The following ARHGEF38 variants were observed in gnomAD, a reference collection of about 807,000 sequenced individuals.
The protein encoded by ARHGEF38 is Rho guanine nucleotide exchange factor 38.
A neutral mutation model predicts 79.9 loss-of-function variants in ARHGEF38; 79 were observed. The observed-to-expected ratio is 0.99, with a 90% CI of 0.82 to 1.19. The LOEUF is 1.19. Ranked by LOEUF, ARHGEF38 falls within the 50% of genes most tolerant of loss-of-function variation. The pLI, the probability that ARHGEF38 is intolerant of heterozygous loss-of-function variation, is 0.00. For synonymous variants in ARHGEF38, 366 were observed against 328.3 expected, an observed-to-expected ratio of 1.11 and a Z score of -1.24; for missense variants, 962 against 907.2, an observed-to-expected ratio of 1.06 and a Z score of -0.78.
intron 10 of ARHGEF38, among the ~76,000 whole-genome samples, chr4:105,660,542 C>T (rs986359509): frequency 2.6e-5 from 4 of 151,708 alleles, no homozygotes; most frequent in East Asian, 1.9e-4. Flanking sequence ...CGGGTTCAAG[C>T]GATTTTCCTG....
chr4:105,651,329 A>G (rs1730095526), intron 7 of ARHGEF38, among the ~76,000 whole-genome samples: 1 of 152,234 alleles, frequency 6.6e-6, no homozygotes. Flanking sequence ...AAATCAATCA[A>G]TTTTGCACTT....
At chr4:105,605,344 G>A (rs1158247664) in intron 2 of ARHGEF38, among the ~76,000 whole-genome samples, 1 of 151,992 alleles carries the variant, frequency 6.6e-6, no homozygotes, top group Non-Finnish European at 1.5e-5. Context: ...GACTTCTCGA[G>A]TTTGAACCCA....
chr4:105,663,212 G>A (rs901627627), intron 10 of ARHGEF38, among the ~76,000 whole-genome samples: 3 of 152,008 alleles, frequency 2.0e-5, no homozygotes, highest in African/African-American at 7.3e-5. Context: ...TTTAATACCT[G>A]CTCACTGCTA....
intron 1 of ARHGEF38, among the ~76,000 whole-genome samples, chr4:105,584,022 C>T (rs1435998730): frequency 2.0e-5 from 3 of 152,036 alleles, no homozygotes; most frequent in Non-Finnish European, 2.9e-5. Flanking sequence ...TTAAAAATTG[C>T]CCAATAAATA....
rs1177332002 is a variant in ARHGEF38, at chr4:105,659,168, T to C, written c.1348T>C (p.Tyr450His). The change falls in exon 10 of 14, where the codon TAC becomes CAC. Residue 450 changes from tyrosine (Y) to histidine (H), a missense_variant. Tyr to His is a moderately conservative substitution (Grantham distance 83). Coordinates refer to ENST00000420470, the MANE Select transcript of ARHGEF38 (RefSeq NM_001242729.2). ...RYDKLLDCNSYLQRSTGEESD... is the reference protein window; with the variant it reads ...RYDKLLDCNSHLQRSTGEESD... ...TGACAAACTGCTGGATTGCAACAGCTACCTGCAGCGATCAACGGGAGAGGA... is the reference window on the plus strand; with the variant it reads ...TGACAAACTGCTGGATTGCAACAGCCACCTGCAGCGATCAACGGGAGAGGA... The C allele has an allele frequency of 2.6e-6, 4 of 1,536,044 alleles. No individual in the cohort carries two copies. Among genetic ancestry groups the C allele is most frequent in the Non-Finnish European group, 3.5e-6 (4 of 1,146,892 alleles).
intron 1 of ARHGEF38, chr4:105,561,464 A>AATGGAATGGAATGGAATGGAATG (rs1578253558): frequency 6.7e-5 from 3 of 44,604 alleles, no homozygotes; most frequent in Non-Finnish European, 4.6e-5. Context: ...AGAATAGAAT[A>AATGGAATGGAATGGAATGGAATG]GAATAGAATA....
rs143419337 is a variant in ARHGEF38, at chr4:105,660,374, G to T, written c.1545+1009G>T. 2.4e-3 allele frequency among the ~76,000 whole-genome samples: 360 copies of T among 151,124 alleles called. 1 individual carries two copies. Among genetic ancestry groups the T allele is most frequent in the Non-Finnish European group, 3.8e-3 (255 of 67,910 alleles). On this transcript the variant is annotated intron_variant, in intron 10 of 13. Transcript: ENST00000420470. ...ATATTATATATACCATTCTGCACTT[G>T]CTCTTTAACAATATATTCTGAGAAT...
intron 2 of ARHGEF38, among the ~76,000 whole-genome samples, chr4:105,611,175 G>A (rs1728278331): frequency 6.6e-6 from 1 of 151,958 alleles, no homozygotes; most frequent in Non-Finnish European, 1.5e-5. Context: ...TCAGAATAAA[G>A]TTTCCAGAGC....
chr4:105,641,355 C>G (rs780941029), intron 5 of ARHGEF38, among the ~76,000 whole-genome samples: 2 of 152,106 alleles, frequency 1.3e-5, no homozygotes, highest in Non-Finnish European at 2.9e-5. Context: ...CACCATTTCA[C>G]TGGTTCTATC....
intron 2 of ARHGEF38, among the ~76,000 whole-genome samples, chr4:105,599,711 C>T (rs1170618765): frequency 1.3e-5 from 2 of 152,010 alleles, no homozygotes; most frequent in East Asian, 3.9e-4. Flanking sequence ...ATCCTGGACT[C>T]CAAACAATAA....
At position 105,656,500 on chromosome 4, in the gene ARHGEF38, T is replaced by A. The variant is rs561502246; in HGVS notation, c.1233+778T>A. On this transcript the variant is annotated intron_variant, in intron 9 of 13. Transcript: ENST00000420470. ...TTTATTTTGTAAGAGTTCTATAAAA[T>A]ATATCTTGGGAATCATAAAAACATG... Among the ~76,000 whole-genome samples the A allele has an allele frequency of 2.0e-5, 3 of 152,314 alleles. No individual in the cohort carries two copies. In the East Asian group the frequency reaches 5.8e-4, roughly 29 times the overall value.
chr4:105,557,580 A>G (rs1013099499), intron 1 of ARHGEF38, among the ~76,000 whole-genome samples: 6 of 139,268 alleles, frequency 4.3e-5, no homozygotes, highest in African/African-American at 1.3e-4. Context: ...AGCTTTGGTG[A>G]ATGGGATTAG....
chr4:105,566,674 A>C (rs190900489), intron 1 of ARHGEF38, among the ~76,000 whole-genome samples: 1 of 151,362 alleles, frequency 6.6e-6, no homozygotes, highest in East Asian at 1.9e-4. Context: ...ATTTCTAACT[A>C]TGTTTTTGTA....
intron 1 of ARHGEF38, among the ~76,000 whole-genome samples, chr4:105,556,962 G>A (rs1445050293): frequency 1.3e-5 from 2 of 152,092 alleles, no homozygotes; most frequent in African/African-American, 4.8e-5. Flanking sequence ...ACCTTTCAGA[G>A]CACACAACAA....
chr4:105,652,744 A>G (rs751739857), intron 7 of ARHGEF38, among the ~76,000 whole-genome samples: 7 of 152,198 alleles, frequency 4.6e-5, no homozygotes, highest in Non-Finnish European at 1.0e-4. Context: ...CTGCCCCAGC[A>G]TATTGTTATA....
Position 105,562,135 on chromosome 4 carries a change from A to G in ARHGEF38, c.196+9174A>G, listed in dbSNP as rs367622333. On this transcript the variant is annotated intron_variant, in intron 1 of 13. Transcript: ENST00000420470. ...GGAAAAGGCAGAGAGCCCTTCCTGCATCTGCTATTGAGCATCTCCAGCTCA... is the reference window on the plus strand; with the variant it reads ...GGAAAAGGCAGAGAGCCCTTCCTGCGTCTGCTATTGAGCATCTCCAGCTCA... Among the ~76,000 whole-genome samples, 175 of 152,306 alleles carry G rather than the reference A, an allele frequency of 1.1e-3. 1 individual carries two copies. Among genetic ancestry groups the G allele is most frequent in the African/African-American group, 4.1e-3 (171 of 41,566 alleles).
At chr4:105,586,377 T>G (rs1480927719) in intron 1 of ARHGEF38, among the ~76,000 whole-genome samples, 1 of 152,060 alleles carries the variant, frequency 6.6e-6, no homozygotes, top group East Asian at 1.9e-4. Flanking sequence ...GAGAGATTTT[T>G]ACACCTGAGG....
At chr4:105,666,994 C>T in intron 11 of ARHGEF38, 135 bp from the exon 12 acceptor site, 1 of 776,874 alleles carries the variant, frequency 1.3e-6, no homozygotes, top group Non-Finnish European at 2.0e-6. Flanking sequence ...TGCTCTATGC[C>T]TGCACCTTGA....
rs1263609903 is a variant in ARHGEF38, at chr4:105,680,546, C to A, written c.*2609C>A. The A allele has an allele frequency of 6.5e-6, 1 of 153,050 alleles. No homozygotes were observed. The highest frequency in any genetic ancestry group is 1.9e-4 in the East Asian group (1 of 5,248). The allele number at this position is 153,050 out of a possible 1,614,324, so 9.5% of individuals were successfully genotyped here. ...ATAAAACTGGCTACTTTCATTACTG[C>A]TCAGTTAAAGGGTCTTGTAGCTCAT... On this transcript the variant is annotated 3_prime_UTR_variant, in exon 14 of 14. Transcript: ENST00000420470.
Sources: allele counts gnomAD v4.1 joint callset (sites outside exome capture counted in the v4.1 genomes callset), GRCh38; gene constraint gnomAD v4.1.1; transcripts MANE v1.5; gene names NCBI Gene and HGNC (gene_info 2026-07-23, HGNC 2026-07-21).